CHD1L: variants seen among roughly 807,000 people sequenced by gnomAD.
CHD1L encodes ATP-dependent chromatin remodeler CHD1L.
In CHD1L, 118 loss-of-function variants were observed where a neutral mutation model predicts 115.9. That is an observed-to-expected ratio of 1.02 (90% CI 0.88 to 1.19). The LOEUF (loss-of-function observed/expected upper bound fraction) is 1.19, where lower values mean the gene tolerates loss of function less well. Ranked by LOEUF, CHD1L falls within the 50% of genes most tolerant of loss-of-function variation. The pLI is 0.00. For synonymous variants in CHD1L, 411 were observed against 387.1 expected (o/e 1.06, Z -0.72); for missense variants, 1,179 against 1,065.3 (o/e 1.11, Z -1.49).
At chr1:147,226,706 A>C in the CHD1L span, among the ~76,000 whole-genome samples, 1 of 152,230 alleles carries the variant, frequency 6.6e-6, no homozygotes, top group African/African-American at 2.4e-5. Context: ...TGCTCTTCCA[A>C]TCTGCACCTG....
At chr1:147,199,893 C>T in the CHD1L span, among the ~76,000 whole-genome samples, 1 of 152,050 alleles carries the variant, frequency 6.6e-6, no homozygotes. Flanking sequence ...AGGTGTAATT[C>T]CAACAGGAAC....
chr1:147,219,248 GTCTA>G, the CHD1L span, among the ~76,000 whole-genome samples: 2 of 152,138 alleles, frequency 1.3e-5, no homozygotes, highest in Non-Finnish European at 2.9e-5. Context: ...GTAATATTAT[GTCTA>G]TCTATGGGTA....
At chr1:147,282,578 T>G (rs782782047) in intron 15 of CHD1L, among the ~76,000 whole-genome samples, 1 of 152,180 alleles carries the variant, frequency 6.6e-6, no homozygotes, top group Admixed American at 6.5e-5. Context: ...TCATCCACCA[T>G]TGCCTCATAG....
chr1:147,259,950 T>A (rs782000941), intron 6 of CHD1L, 32 bp downstream of exon 6: 1 of 1,475,328 alleles, frequency 6.8e-7, no homozygotes, highest in Non-Finnish European at 9.3e-7. Context: ...AGTTTTTATA[T>A]AACCCCTTCT....
chr1:147,247,633 G>A (rs1667029420), intron 1 of CHD1L, among the ~76,000 whole-genome samples: 1 of 152,104 alleles, frequency 6.6e-6, no homozygotes, highest in South Asian at 2.1e-4. Flanking sequence ...ATCCAACCTC[G>A]AGTATTCCAT....
the CHD1L span, among the ~76,000 whole-genome samples, chr1:147,193,908 A>G: frequency 1.3e-5 from 2 of 152,054 alleles, no homozygotes; most frequent in Admixed American, 1.3e-4. Context: ...ACATTTGCTG[A>G]GGAGTGCTTT....
intron 14 of CHD1L, 67 bp from the exon 15 acceptor site, chr1:147,279,959 A>T (rs1164624770): frequency 6.5e-7 from 1 of 1,548,902 alleles, no homozygotes; most frequent in African/African-American, 1.4e-5. Flanking sequence ...CCACTTAGCC[A>T]ATCACTGATA....
chr1:147,200,507 G>A, the CHD1L span, among the ~76,000 whole-genome samples: 1 of 152,016 alleles, frequency 6.6e-6, no homozygotes, highest in East Asian at 1.9e-4. Flanking sequence ...TAATGTTCTA[G>A]AACATTATAG....
chr1:147,192,883 G>A, the CHD1L span, among the ~76,000 whole-genome samples: 1 of 152,124 alleles, frequency 6.6e-6, no homozygotes, highest in Non-Finnish European at 1.5e-5. Flanking sequence ...TGGCAGATAA[G>A]CTTTTTGATG....
At chr1:147,191,542 T>G in the CHD1L span, among the ~76,000 whole-genome samples, 1 of 151,462 alleles carries the variant, frequency 6.6e-6, no homozygotes, top group Admixed American at 6.6e-5. Flanking sequence ...TTTGTTTTTT[T>G]CTTATAAACT....
intron 13 of CHD1L, 24 bp from the exon 14 acceptor site, chr1:147,276,080 T>C: frequency 6.2e-7 from 1 of 1,613,186 alleles, no homozygotes; most frequent in Non-Finnish European, 8.5e-7. Context: ...TATAGCACAC[T>C]ACCCTTGTTT....
In CHD1L at chr1:147,276,206, A is replaced by C. The variant is rs781995410; in HGVS notation, c.1488A>C (p.Gly496=). Residue 496 remains glycine, a synonymous_variant, in exon 14 of 23, where the codon GGA becomes GGC. Transcript: ENST00000369258. ...AGCTCACCAACATGATCATAGAAGG[A>C]GGCCATTTTACTCTGGGAGCCCAGA... ...KLQLTNMIIE[G]GHFTLGAQKP... The C allele has an allele frequency of 1.9e-6, 3 of 1,614,070 alleles. No homozygotes were observed. Among genetic ancestry groups the C allele is most frequent in the Admixed American group, 1.7e-5 (1 of 60,010 alleles).
At chr1:147,281,140 G>A (rs1680694822) in intron 15 of CHD1L, among the ~76,000 whole-genome samples, 4 of 152,180 alleles carry the variant, frequency 2.6e-5, no homozygotes, top group Admixed American at 2.0e-4. Context: ...CCTGCCAGAA[G>A]CAATGCCTTC....
the CHD1L span, among the ~76,000 whole-genome samples, chr1:147,218,702 A>G: frequency 6.6e-6 from 1 of 152,200 alleles, no homozygotes; most frequent in African/African-American, 2.4e-5. Flanking sequence ...TTTATCTTTT[A>G]ATCTTCATCC....
At chr1:147,243,471 G>C (rs1191101528) in intron 1 of CHD1L, among the ~76,000 whole-genome samples, 2 of 152,000 alleles carry the variant, frequency 1.3e-5, no homozygotes, top group Non-Finnish European at 2.9e-5. Context: ...CACGTAACTC[G>C]ATTTATTGAC....
At chr1:147,218,567 C>G in the CHD1L span, among the ~76,000 whole-genome samples, 2 of 152,188 alleles carry the variant, frequency 1.3e-5, no homozygotes. Flanking sequence ...CCACACCACT[C>G]CATGGGTATC....
chr1:147,232,176 T>C, the CHD1L span, among the ~76,000 whole-genome samples: 1 of 152,188 alleles, frequency 6.6e-6, no homozygotes, highest in South Asian at 2.1e-4. Flanking sequence ...CATTGGACTG[T>C]GACATGAGTG....
chr1:147,224,077 CA>C, the CHD1L span: 2 of 367,198 alleles, frequency 5.4e-6, no homozygotes, highest in Admixed American at 3.3e-5. Flanking sequence ...CCCTGTGTCC[CA>C]AAATGGGGGT....
the CHD1L span, among the ~76,000 whole-genome samples, chr1:147,216,330 T>C: frequency 1.3e-4 from 20 of 152,290 alleles, no homozygotes; most frequent in African/African-American, 4.8e-4. Flanking sequence ...AGAAAATATA[T>C]GGCCAGTCCC....
Sources: allele counts gnomAD v4.1 joint callset (sites outside exome capture counted in the v4.1 genomes callset), GRCh38; gene constraint gnomAD v4.1.1; transcripts MANE v1.5; gene names NCBI Gene and HGNC (gene_info 2026-07-23, HGNC 2026-07-21).